RIMBP2: variants seen among roughly 807,000 people sequenced by gnomAD.
RIMBP2 encodes the protein RIMS binding protein 2.
In RIMBP2, 48 loss-of-function variants were observed where a neutral mutation model predicts 118.6. The ratio of observed to expected loss-of-function variants is 0.40; its 90% CI spans 0.32 to 0.51. The LOEUF is 0.51. Among genes scored for constraint, RIMBP2 ranks in the 20% least tolerant of loss-of-function variants. The pLI, the probability that RIMBP2 is intolerant of heterozygous loss-of-function variation, is 0.41. For synonymous variants in RIMBP2, 762 were observed against 742.9 expected (o/e 1.03, Z -0.42); for missense variants, 1,551 against 1,768.3 (o/e 0.88, Z 2.20).
intron 1 of RIMBP2, among the ~76,000 whole-genome samples, chr12:130,639,260 G>C (rs1459371542): frequency 6.6e-6 from 1 of 151,706 alleles, no homozygotes; most frequent in Non-Finnish European, 1.5e-5. Flanking sequence ...ATGGTGGCAG[G>C]CACCTGTAAT....
chr12:130,408,170 T>C (rs2075354906), intron 19 of RIMBP2, among the ~76,000 whole-genome samples: 1 of 152,322 alleles, frequency 6.6e-6, no homozygotes, highest in African/African-American at 2.4e-5. Flanking sequence ...GGGGAGGCCG[T>C]GGCTTGGGAG....
At chr12:130,489,245 G>A (rs534537483) in intron 4 of RIMBP2, among the ~76,000 whole-genome samples, 3 of 152,226 alleles carry the variant, frequency 2.0e-5, no homozygotes, top group African/African-American at 4.8e-5. Context: ...TAAGCAATAC[G>A]CATCGGATAG....
At chr12:130,473,857 G>T (rs1478722027) in intron 5 of RIMBP2, among the ~76,000 whole-genome samples, 4 of 152,200 alleles carry the variant, frequency 2.6e-5, no homozygotes, top group Admixed American at 2.6e-4. Flanking sequence ...TTCAGTCAAA[G>T]CATTAACTAT....
In RIMBP2 at chr12:130,402,027, T is replaced by C. The variant is rs544843478; in HGVS notation, c.3766-2214A>G. Among the ~76,000 whole-genome samples the C allele has an allele frequency of 1.3e-4, 20 of 152,346 alleles. No homozygotes were observed. In the South Asian group the frequency reaches 4.1e-3, roughly 32 times the overall value. ...TGAGTAGAATGTGGGTGGAACTGCC[T>C]GCACTGGTTATTGCTCTTGTTCTTT... On this transcript the variant is annotated intron_variant, in intron 21 of 22. Coordinates refer to ENST00000690449, the MANE Select transcript of RIMBP2 (RefSeq NM_001393629.1).
chr12:130,684,966 G>A (rs1247328978), intron 1 of RIMBP2, among the ~76,000 whole-genome samples: 3 of 152,158 alleles, frequency 2.0e-5, no homozygotes, highest in African/African-American at 7.2e-5. Context: ...AACCCTCTCT[G>A]GGGGTCTGGA....
intron 2 of RIMBP2, among the ~76,000 whole-genome samples, chr12:130,521,929 G>A (rs2052171367): frequency 6.6e-6 from 1 of 152,190 alleles, no homozygotes; most frequent in Admixed American, 6.5e-5. Context: ...GGGTTTCCCA[G>A]CCAGTGGATG....
At chr12:130,453,819 C>T (rs917236462) in intron 7 of RIMBP2, among the ~76,000 whole-genome samples, 4 of 152,060 alleles carry the variant, frequency 2.6e-5, no homozygotes, top group African/African-American at 7.2e-5. Context: ...TTTGGGAGAC[C>T]GAGGCAGGTA....
chr12:130,483,945 C>T (rs2082270742), intron 4 of RIMBP2, among the ~76,000 whole-genome samples: 1 of 152,010 alleles, frequency 6.6e-6, no homozygotes, highest in Admixed American at 6.6e-5. Flanking sequence ...CTAGATGTGT[C>T]CCTGAGCCAT....
Position 130,710,405 on chromosome 12 carries a change from C to T in RIMBP2, c.-352+5817G>A, listed in dbSNP as rs1949824978. ...GGTGTAGTGATTATTCATTCACTTG[C>T]CCGTTGTCTTACACATGCACACACA... On this transcript the variant is annotated intron_variant, in intron 1 of 22. Transcript: ENST00000690449. This position sits in a 1 kb window ranked among gnomAD's most constrained non-coding sequence, Gnocchi z 4.3. Among the ~76,000 whole-genome samples, 1 of 152,028 alleles carries T rather than the reference C, an allele frequency of 6.6e-6. No individual in the cohort carries two copies. The highest frequency in any genetic ancestry group is 2.4e-5 in the African/African-American group (1 of 41,360).
rs758658748 is a variant in RIMBP2, at chr12:130,456,706, C to A, written c.154-6G>T. The A allele has an allele frequency of 1.3e-6, 2 of 1,593,914 alleles. No individual in the cohort carries two copies. Among genetic ancestry groups the A allele is most frequent in the East Asian group, 2.3e-5 (1 of 44,368 alleles). ...TCCAGCTCTCGAACCTTGGACTGCA[C>A]GGCAGAAGCAGGACAGGGGGTCAGC... On this transcript the variant is annotated splice_polypyrimidine_tract_variant and splice_region_variant and intron_variant, in intron 6 of 22. Coordinates refer to ENST00000690449, the MANE Select transcript of RIMBP2 (RefSeq NM_001393629.1).
rs2061016362 is a variant in RIMBP2, at chr12:130,617,470, C to A, written c.-217+10852G>T. Among the ~76,000 whole-genome samples, 1 of 152,226 alleles carries A rather than the reference C, an allele frequency of 6.6e-6. No individual in the cohort carries two copies. Reference sequence around the variant, plus strand: ...GCTGAGAGTTCAGTCAATGCTGTGGCCCCACAGGCCTAGGCCAGCTACAGC... The same window carrying A: ...GCTGAGAGTTCAGTCAATGCTGTGGACCCACAGGCCTAGGCCAGCTACAGC... On this transcript the variant is annotated intron_variant, in intron 2 of 22. Coordinates refer to ENST00000690449, the MANE Select transcript of RIMBP2 (RefSeq NM_001393629.1). The surrounding 1 kb of genome is among the most constrained non-coding windows in gnomAD (Gnocchi z 4.6).
intron 2 of RIMBP2, among the ~76,000 whole-genome samples, chr12:130,580,396 G>C (rs7135455): frequency 2.2e-3 from 328 of 152,194 alleles, no homozygotes; most frequent in African/African-American, 7.5e-3. Flanking sequence ...TGAAAGGGCA[G>C]TTCCCCTGCA....
chr12:130,567,512 G>A (rs1302228573), intron 2 of RIMBP2, among the ~76,000 whole-genome samples: 2 of 152,214 alleles, frequency 1.3e-5, no homozygotes, highest in Admixed American at 6.5e-5. Context: ...TGCCTGAAGG[G>A]ACACTAGAGG....
chr12:130,667,001 AGGAGGGAG>A (rs201546765), intron 1 of RIMBP2, among the ~76,000 whole-genome samples: 1 of 92,374 alleles, frequency 1.1e-5, no homozygotes, highest in Non-Finnish European at 2.0e-5. Context: ...GAGGAAGGGA[AGGAGGGAG>A]GGAGGGAGGG....
Position 130,525,296 on chromosome 12 carries a change from G to A in RIMBP2, c.-216-7379C>T, listed in dbSNP as rs538385392. ...TGCCCAGAAGCCAAGCAGCATTGCG[G>A]GCATCTCCGTGACCTCCAGGAGAGG... On this transcript the variant is annotated intron_variant, in intron 2 of 22. Transcript: ENST00000690449. This position sits in a 1 kb window ranked among gnomAD's most constrained non-coding sequence, Gnocchi z 4.4. Among the ~76,000 whole-genome samples the A allele has an allele frequency of 1.3e-5, 2 of 152,330 alleles. No individual in the cohort carries two copies. Among genetic ancestry groups the A allele is most frequent in the South Asian group, 4.1e-4 (2 of 4,822 alleles).
chr12:130,527,637 T>C (rs1374066342), intron 2 of RIMBP2, among the ~76,000 whole-genome samples: 2 of 151,898 alleles, frequency 1.3e-5, no homozygotes, highest in African/African-American at 4.8e-5. Flanking sequence ...AAAGAAACTA[T>C]CATCAGAGCA....
chr12:130,437,519 CCG>C (rs2077622002), intron 12 of RIMBP2, among the ~76,000 whole-genome samples: 1 of 152,196 alleles, frequency 6.6e-6, no homozygotes, highest in Non-Finnish European at 1.5e-5. Context: ...GTAGAGGGTT[CCG>C]TCAGGCCAGT....
At chr12:130,480,322 A>G (rs1000278471) in intron 4 of RIMBP2, among the ~76,000 whole-genome samples, 4 of 152,144 alleles carry the variant, frequency 2.6e-5, no homozygotes, top group African/African-American at 9.7e-5. Flanking sequence ...AGAGTTGGCC[A>G]CGCATGCCTC....
intron 1 of RIMBP2, among the ~76,000 whole-genome samples, chr12:130,715,566 C>T (rs1950270171): frequency 6.6e-6 from 1 of 152,210 alleles, no homozygotes; most frequent in Non-Finnish European, 1.5e-5. Flanking sequence ...CAGCAGCCCG[C>T]GCACACTGCT....
Sources: allele counts gnomAD v4.1 joint callset (sites outside exome capture counted in the v4.1 genomes callset), GRCh38; gene constraint gnomAD v4.1.1; non-coding constraint Gnocchi (gnomAD v3.1); transcripts MANE v1.5; gene names NCBI Gene and HGNC (gene_info 2026-07-23, HGNC 2026-07-21).